The following TCF7 variants were observed in gnomAD, a reference collection of about 807,000 sequenced individuals.
TCF7 encodes the protein transcription factor 7.
TCF7 carries 19 observed loss-of-function variants against 46.8 expected under a neutral mutation model. The observed-to-expected ratio is 0.41, with a 90% confidence interval of 0.28 to 0.60. The LOEUF is 0.60. Among genes scored for constraint, TCF7 ranks in the 20% least tolerant of loss-of-function variants. The pLI, the probability that TCF7 is intolerant of heterozygous loss-of-function variation, is 0.35. For synonymous variants in TCF7, 245 were observed against 213.4 expected, an observed-to-expected ratio of 1.15 and a Z score of -1.29; for missense variants, 547 against 504.6, an observed-to-expected ratio of 1.08 and a Z score of -0.81.
At chr5:134,139,131 G>A in intron 5 of TCF7, 93 bp downstream of exon 5, 8 of 1,523,748 alleles carry the variant, frequency 5.3e-6, no homozygotes, top group Non-Finnish European at 7.1e-6. Flanking sequence ...CTCTTGGCTG[G>A]CCACCCTGCT....
intron 9 of TCF7, chr5:134,145,093 A>G: frequency 1.6e-6 from 1 of 640,048 alleles, no homozygotes; most frequent in Admixed American, 2.3e-5. Context: ...AAAGACACAG[A>G]ATGTTCCAGA....
At chr5:134,114,292 A>T (rs1290640903), upstream of TCF7, among the ~76,000 whole-genome samples, 1 of 152,086 alleles carries the variant, frequency 6.6e-6, no homozygotes. Flanking sequence ...GGAAGCCCCC[A>T]GTTCAAAGCA....
At chr5:134,109,229 A>G in the TCF7 span, among the ~76,000 whole-genome samples, 121,648 of 152,196 alleles carry the variant, frequency 0.8, 48,968 homozygotes, top group Non-Finnish European at 0.86. Context: ...AAAGCCCTGT[A>G]TAGCCCTGTC....
intron 3 of TCF7, among the ~76,000 whole-genome samples, chr5:134,134,086 C>T (rs1758520465): frequency 6.6e-6 from 1 of 152,230 alleles, no homozygotes; most frequent in Non-Finnish European, 1.5e-5. Context: ...GCCAAAACTC[C>T]TGTGGGTAGC....
chr5:134,145,878 G>C (rs1760622466), intron 9 of TCF7: 1 of 1,583,508 alleles, frequency 6.3e-7, no homozygotes, highest in African/African-American at 1.3e-5. Context: ...CCTTGGTGCA[G>C]ATGTGAGTCC....
At chr5:134,128,536 G>C (rs886571453) in intron 3 of TCF7, among the ~76,000 whole-genome samples, 1 of 151,894 alleles carries the variant, frequency 6.6e-6, no homozygotes, top group African/African-American at 2.4e-5. Flanking sequence ...CCTCAGGGCA[G>C]GACTGTCCTC....
chr5:134,135,515 C>G (rs893147710), intron 3 of TCF7, among the ~76,000 whole-genome samples: 10 of 152,252 alleles, frequency 6.6e-5, no homozygotes, highest in African/African-American at 2.4e-4. Flanking sequence ...TTAGGATTTG[C>G]TGACAAATTG....
intron 5 of TCF7, chr5:134,140,980 G>C: frequency 3.1e-6 from 1 of 324,160 alleles, no homozygotes; most frequent in South Asian, 2.3e-5. Context: ...TGCTTGCCCT[G>C]TGTTAGTCGT....
chr5:134,118,371 T>A (rs1756112396), intron 3 of TCF7, among the ~76,000 whole-genome samples: 1 of 152,156 alleles, frequency 6.6e-6, no homozygotes, highest in South Asian at 2.1e-4. Context: ...TGCCCGGCCC[T>A]CTCTGAGGGC....
At chr5:134,118,473 T>G (rs1036322317) in intron 3 of TCF7, among the ~76,000 whole-genome samples, 3 of 152,208 alleles carry the variant, frequency 2.0e-5, no homozygotes, top group African/African-American at 7.2e-5. Context: ...GGACCTGCTC[T>G]GCCCATGTGT....
In TCF7 at chr5:134,114,827, G is replaced by T; in HGVS notation, c.-80G>T. 3.1e-6 allele frequency: 3 copies of T among 980,194 alleles called. No homozygotes were observed. Among genetic ancestry groups the T allele is most frequent in the Non-Finnish European group, 3.6e-6 (3 of 827,576 alleles). The allele number at this position is 980,194 out of a possible 1,614,324, so 60.7% of individuals were successfully genotyped here. A position where few individuals can be genotyped will look rare whatever the true frequency, so the allele number is the denominator to read the frequency against. On this transcript the variant is annotated 5_prime_UTR_variant, in exon 1 of 10. Transcript: ENST00000342854. ...TCCGAGCTCGGAGGTTCGGACTCCGGGCTCGCCGCCCCCCGGGCCGGCTCC... is the reference window on the plus strand; with the variant it reads ...TCCGAGCTCGGAGGTTCGGACTCCGTGCTCGCCGCCCCCCGGGCCGGCTCC...
At chr5:134,143,902 C>T in intron 9 of TCF7, 2 of 470,688 alleles carry the variant, frequency 4.2e-6, no homozygotes, top group Non-Finnish European at 7.7e-6. Context: ...TGCCTTGCAC[C>T]CACTACCTTT....
intron 3 of TCF7, among the ~76,000 whole-genome samples, chr5:134,121,119 AG>A (rs767887686): frequency 2.0e-5 from 3 of 152,034 alleles, no homozygotes; most frequent in Non-Finnish European, 4.4e-5. Flanking sequence ...GATTCTTAGG[AG>A]GGGAAAGTGC....
intron 3 of TCF7, among the ~76,000 whole-genome samples, chr5:134,124,355 G>C (rs1757043220): frequency 6.6e-6 from 1 of 152,228 alleles, no homozygotes; most frequent in African/African-American, 2.4e-5. Flanking sequence ...TCTACAGCCT[G>C]GGTGGGCTTG....
In TCF7 at chr5:134,147,958, A is replaced by C. The variant is rs958521794; in HGVS notation, c.*1655A>C. The C allele has an allele frequency of 8.1e-6, 1 of 123,410 alleles. No individual in the cohort carries two copies. Among genetic ancestry groups the C allele is most frequent in the African/African-American group, 3.2e-5 (1 of 31,606 alleles). 7.6% of individuals were successfully genotyped at this position (123,410 alleles called of 1,614,324 possible). On this transcript the variant is annotated 3_prime_UTR_variant, in exon 10 of 10. Transcript: ENST00000342854. ...GCTATTGCACTCCAGTCTGGGTAAC[A>C]GGGAGACTGCATCTCAAAAAAAAAA... is the stretch of plus-strand genomic sequence containing the variant.
In TCF7 at chr5:134,115,912, T is replaced by C. The variant is rs1017647014; in HGVS notation, c.320T>C (p.Leu107Pro). The C allele has an allele frequency of 1.9e-6, 3 of 1,613,984 alleles. No homozygotes were observed. The highest frequency in any genetic ancestry group is 2.5e-6 in the Non-Finnish European group (3 of 1,180,014). Residue 107 changes from leucine (L) to proline (P), a missense_variant, in exon 3 of 10, where the codon CTG (leucine) becomes CCG (proline). Coordinates refer to ENST00000342854, the MANE Select transcript of TCF7 (RefSeq NM_003202.5). ...DKLPEPLEDG[L>P]KAPECTSGMY... ...GACCCAGCTGTGGTTTTTCCAGGCC[T>C]GAAGGCCCCGGAGTGCACCAGCGGC...
At position 134,114,740 on chromosome 5, in the gene TCF7, G is replaced by C. The variant is rs1755559281; in HGVS notation, c.-167G>C. 6.4e-6 allele frequency: 4 copies of C among 625,824 alleles called. No individual in the cohort carries two copies. Among genetic ancestry groups the C allele is most frequent in the Non-Finnish European group, 7.9e-6 (4 of 509,174 alleles). 38.8% of individuals were successfully genotyped at this position (625,824 alleles called of 1,614,324 possible). Reference sequence around the variant, plus strand: ...CCAGCTCGCGGAGCCGCTCTGCCCCGCGCCCTAGCCCGCGCCTGCAGCCCG... The same window carrying C: ...CCAGCTCGCGGAGCCGCTCTGCCCCCCGCCCTAGCCCGCGCCTGCAGCCCG... On this transcript the variant is annotated 5_prime_UTR_variant, in exon 1 of 10. Coordinates refer to ENST00000342854, the MANE Select transcript of TCF7 (RefSeq NM_003202.5).
At chr5:134,117,802 A>G (rs1312442686) in intron 3 of TCF7, among the ~76,000 whole-genome samples, 1 of 152,164 alleles carries the variant, frequency 6.6e-6, no homozygotes, top group Non-Finnish European at 1.5e-5. Flanking sequence ...ACCTGCTCCT[A>G]TAGGTACAAA....
chr5:134,113,746 CA>C (rs1755422910), upstream of TCF7, among the ~76,000 whole-genome samples: 2 of 152,260 alleles, frequency 1.3e-5, no homozygotes, highest in African/African-American at 4.8e-5. Flanking sequence ...GGAATCCAGG[CA>C]CTTTCCCGCG....
Sources: gnomAD v4.1 joint callset for allele counts (sites outside exome capture counted in the v4.1 genomes callset) on GRCh38, gnomAD v4.1.1 for gene constraint, MANE v1.5 for transcripts, NCBI Gene and HGNC (gene_info 2026-07-23, HGNC 2026-07-21) for gene names.